The following GABRA5 variants were observed in gnomAD, a reference collection of about 807,000 sequenced individuals.
GABRA5 encodes gamma-aminobutyric acid type A receptor subunit alpha5.
In GABRA5, 18 loss-of-function variants were observed where a neutral mutation model predicts 47.3. The observed-to-expected ratio is 0.38, with a 90% confidence interval of 0.26 to 0.56. The LOEUF is 0.56. Ranked by LOEUF, GABRA5 falls within the 20% of genes least tolerant of loss-of-function variation. The probability of loss-of-function intolerance (pLI) is 0.71; values close to 1 mark genes in which losing one functional copy is unlikely to be tolerated. For synonymous variants in GABRA5, 237 were observed against 229.3 expected (o/e 1.03, Z -0.30); for missense variants, 365 against 599.3 (o/e 0.61, Z 4.08).
intron 7 of GABRA5, among the ~76,000 whole-genome samples, chr15:26,918,529 T>A (rs1893769142): frequency 6.6e-6 from 1 of 152,206 alleles, no homozygotes; most frequent in South Asian, 2.1e-4. Context: ...GGTTGTTTTA[T>A]CCATAACTGA....
At chr15:26,906,707 T>C (rs1199965707) in intron 6 of GABRA5, among the ~76,000 whole-genome samples, 1 of 152,212 alleles carries the variant, frequency 6.6e-6, no homozygotes, top group Non-Finnish European at 1.5e-5. Context: ...TTTAAAAAAA[T>C]CATTCAGGCT....
At chr15:26,923,741 T>C (rs899650652) in intron 7 of GABRA5, among the ~76,000 whole-genome samples, 3 of 152,176 alleles carry the variant, frequency 2.0e-5, no homozygotes, top group Non-Finnish European at 1.5e-5. Flanking sequence ...GGATCTCAGC[T>C]CTTTTGTTAC....
At chr15:26,871,566 C>A (rs1892472805) in intron 3 of GABRA5, among the ~76,000 whole-genome samples, 1 of 152,124 alleles carries the variant, frequency 6.6e-6, no homozygotes, top group Non-Finnish European at 1.5e-5. Context: ...ATGTGCGATA[C>A]AGAAGTCGAT....
chr15:26,900,797 C>A (rs1893308896), intron 6 of GABRA5, among the ~76,000 whole-genome samples: 1 of 152,198 alleles, frequency 6.6e-6, no homozygotes, highest in South Asian at 2.1e-4. Flanking sequence ...CATGTACTCA[C>A]CATTACGATA....
intron 7 of GABRA5, among the ~76,000 whole-genome samples, chr15:26,932,469 A>C (rs180857449): frequency 6.6e-6 from 1 of 152,216 alleles, no homozygotes; most frequent in Admixed American, 6.5e-5. Flanking sequence ...GAAACAACAG[A>C]TGCTGGTGAG....
intron 7 of GABRA5, among the ~76,000 whole-genome samples, chr15:26,931,213 G>A (rs567673018): frequency 6.6e-6 from 1 of 152,100 alleles, no homozygotes; most frequent in Non-Finnish European, 1.5e-5. Context: ...ATTTCTATCT[G>A]GGTTCATTCA....
chr15:26,935,331 T>C (rs764027946), intron 7 of GABRA5, among the ~76,000 whole-genome samples: 13 of 152,384 alleles, frequency 8.5e-5, no homozygotes, highest in Middle Eastern at 6.8e-3. Flanking sequence ...ATGCATTATA[T>C]GTCACTCAGT....
intron 3 of GABRA5, among the ~76,000 whole-genome samples, chr15:26,872,263 C>T (rs888318540): frequency 2.0e-5 from 3 of 152,134 alleles, no homozygotes; most frequent in Admixed American, 6.6e-5. Context: ...CTTTATGTTT[C>T]GTGTTTTGGT....
In GABRA5 at chr15:26,944,121, C is replaced by T. The variant is rs1417597005; in HGVS notation, c.1089+695C>T. ...GAACAGGAGGTCAGAGCCATCGGGG[C>T]GACCTGAAAGTAAAACTTAATCTGT... On this transcript the variant is annotated intron_variant, in intron 10 of 10. Coordinates refer to ENST00000335625, the MANE Select transcript of GABRA5 (RefSeq NM_000810.4). Among the ~76,000 whole-genome samples the T allele has an allele frequency of 3.3e-5, 5 of 152,284 alleles. No individual in the cohort carries two copies. In the South Asian group the frequency reaches 6.2e-4, roughly 19 times the overall value.
chr15:26,911,112 A>G (rs1893573277), intron 6 of GABRA5, among the ~76,000 whole-genome samples: 1 of 152,162 alleles, frequency 6.6e-6, no homozygotes, highest in African/African-American at 2.4e-5. Flanking sequence ...TCTGAATAAT[A>G]CATTCATGTG....
chr15:26,924,017 T>C (rs892356194), intron 7 of GABRA5, among the ~76,000 whole-genome samples: 11 of 152,092 alleles, frequency 7.2e-5, no homozygotes, highest in African/African-American at 2.7e-4. Context: ...CAATGGCTGC[T>C]TTAAAAACAT....
chr15:26,944,690 G>C (rs963347799), intron 10 of GABRA5, among the ~76,000 whole-genome samples: 1 of 152,214 alleles, frequency 6.6e-6, no homozygotes, highest in African/African-American at 2.4e-5. Flanking sequence ...GGTGCTGTGT[G>C]GGGAGGAACG....
intron 3 of GABRA5, among the ~76,000 whole-genome samples, chr15:26,872,665 C>T (rs1259133726): frequency 4.6e-5 from 7 of 152,226 alleles, no homozygotes; most frequent in African/African-American, 1.2e-4. Context: ...TTAATTTGAA[C>T]CTGATTCTAG....
intron 6 of GABRA5, among the ~76,000 whole-genome samples, chr15:26,891,132 C>T (rs745790350): frequency 3.3e-5 from 5 of 152,154 alleles, no homozygotes; most frequent in Non-Finnish European, 7.3e-5. Context: ...CAGGCAGTTC[C>T]GTCTGGCCAG....
In GABRA5 at chr15:26,883,063, C is replaced by G. The variant is rs1892773779; in HGVS notation, c.209-103C>G. 1.1e-6 allele frequency: 1 copy of G among 913,786 alleles called. No homozygotes were observed. Among genetic ancestry groups the G allele is most frequent in the Admixed American group, 1.7e-5 (1 of 57,566 alleles). The allele number at this position is 913,786 out of a possible 1,614,324, so 56.6% of individuals were successfully genotyped here. On this transcript the variant is annotated intron_variant, in intron 4 of 10. Transcript: ENST00000335625. This position sits in a 1 kb window ranked among gnomAD's most constrained non-coding sequence, Gnocchi z 4.8. ...TTTACCAAACGCACTGCAAAAGCCC[C>G]CGGTTGCAGAGGGTGACCCTGGTTA...
intron 6 of GABRA5, among the ~76,000 whole-genome samples, chr15:26,884,498 C>T (rs1334216551): frequency 6.6e-6 from 1 of 151,704 alleles, no homozygotes; most frequent in Non-Finnish European, 1.5e-5. Flanking sequence ...GCATTAAAGT[C>T]AAGTTAAAAA....
Position 26,907,143 on chromosome 15 carries a change from C to A in GABRA5, c.498-7660C>A, listed in dbSNP as rs140323334. Among the ~76,000 whole-genome samples, 21 of 152,272 alleles carry A rather than the reference C, an allele frequency of 1.4e-4. No individual in the cohort carries two copies. In the East Asian group the frequency reaches 4.1e-3, roughly 29 times the overall value. On this transcript the variant is annotated intron_variant, in intron 6 of 10. Coordinates refer to ENST00000335625, the MANE Select transcript of GABRA5 (RefSeq NM_000810.4). ...TTAGCCTTAAAATAATTCATGAAAT[C>A]TGTAATTCAAACTCAAAGTAAGCCG... is the stretch of plus-strand genomic sequence containing the variant.
At position 26,948,312 on chromosome 15, in the gene GABRA5, C is replaced by A; in HGVS notation, c.*79C>A. The A allele has an allele frequency of 7.4e-7, 1 of 1,351,686 alleles. No individual in the cohort carries two copies. Among genetic ancestry groups the A allele is most frequent in the Non-Finnish European group, 1.0e-6 (1 of 989,338 alleles). The allele number at this position is 1,351,686 out of a possible 1,614,324, so 83.7% of individuals were successfully genotyped here. On this transcript the variant is annotated 3_prime_UTR_variant, in exon 11 of 11. Transcript: ENST00000335625. ...AGGAGAGGTCTTGCTCACAGGGACT[C>A]TCCATATGTGAGCACTATCTTTCAG... is the stretch of plus-strand genomic sequence containing the variant.
chr15:26,925,043 T>C (rs1034839660), intron 7 of GABRA5, among the ~76,000 whole-genome samples: 1 of 152,028 alleles, frequency 6.6e-6, no homozygotes, highest in African/African-American at 2.4e-5. Context: ...TATTTATTTT[T>C]AGTGGGAGGA....
Sources: allele counts gnomAD v4.1 joint callset (sites outside exome capture counted in the v4.1 genomes callset), GRCh38; gene constraint gnomAD v4.1.1; non-coding constraint Gnocchi (gnomAD v3.1); transcripts MANE v1.5; gene names NCBI Gene and HGNC (gene_info 2026-07-23, HGNC 2026-07-21).